The following AIMP1 variants were observed in gnomAD, a reference collection of about 807,000 sequenced individuals.
The protein encoded by AIMP1 is aminoacyl tRNA synthase complex-interacting multifunctional protein 1.
A neutral mutation model predicts 33.1 loss-of-function variants in AIMP1; 24 were observed. The observed-to-expected ratio is 0.73, with a 90% CI of 0.53 to 1.02. AIMP1 has a LOEUF of 1.02. AIMP1 is among the 50% of genes least tolerant of loss of function. The pLI is 0.00. For synonymous variants in AIMP1, 120 were observed against 121.5 expected (o/e 0.99, Z 0.08); for missense variants, 367 against 364.8 (o/e 1.01, Z -0.05).
intron 1 of AIMP1, among the ~76,000 whole-genome samples, chr4:106,320,999 C>T (rs942991641): frequency 3.3e-5 from 5 of 152,220 alleles, no homozygotes; most frequent in African/African-American, 9.6e-5. Context: ...CTGCCAGCCT[C>T]GGCGTCCTGA....
intron 2 of AIMP1, among the ~76,000 whole-genome samples, chr4:106,326,379 A>G (rs1037018468): frequency 3.9e-5 from 6 of 152,208 alleles, no homozygotes; most frequent in African/African-American, 1.4e-4. Flanking sequence ...AGCATACTGC[A>G]GGACATCTGA....
intron 2 of AIMP1, 46 bp from the exon 3 acceptor site, chr4:106,327,405 A>G (rs531600963): frequency 2.6e-5 from 36 of 1,408,616 alleles, no homozygotes; most frequent in Non-Finnish European, 3.6e-5. Flanking sequence ...TATTCATACA[A>G]AACCTCTTTT....
intron 6 of AIMP1, among the ~76,000 whole-genome samples, chr4:106,342,597 A>G (rs897336341): frequency 6.6e-6 from 1 of 152,168 alleles, no homozygotes; most frequent in East Asian, 1.9e-4. Flanking sequence ...ATTGATTTGC[A>G]TATGTTGAAC....
At chr4:106,331,640 C>T (rs1561027164) in intron 4 of AIMP1, 32 bp from the exon 5 acceptor site, 1 of 1,588,402 alleles carries the variant, frequency 6.3e-7, no homozygotes, top group East Asian at 2.2e-5. Context: ...GGTTTTATTT[C>T]TGATGTTTAC....
At chr4:106,316,635 G>T in intron 1 of AIMP1, 41 bp downstream of exon 1, 4 of 1,544,174 alleles carry the variant, frequency 2.6e-6, no homozygotes, top group Non-Finnish European at 3.5e-6. Context: ...GGGGATCGCC[G>T]ATTGCGATCG....
rs532617678 is a variant in AIMP1, at chr4:106,320,021, T to A, written c.-26+3427T>A. ...CTGTATAATGGAGATTATTACAGTATTCGAAATTGACTTGTGTAAAGCATT... is the reference window on the plus strand; with the variant it reads ...CTGTATAATGGAGATTATTACAGTAATCGAAATTGACTTGTGTAAAGCATT... On this transcript the variant is annotated intron_variant, in intron 1 of 6. Coordinates refer to ENST00000672341, the MANE Select transcript of AIMP1 (RefSeq NM_001142416.2). 2.0e-5 allele frequency among the ~76,000 whole-genome samples: 3 copies of A among 152,338 alleles called. No homozygotes were observed. The South Asian group carries it at 6.2e-4, about 32-fold the overall frequency.
At chr4:106,344,547 C>T (rs1186794597) in intron 6 of AIMP1, among the ~76,000 whole-genome samples, 1 of 152,178 alleles carries the variant, frequency 6.6e-6, no homozygotes, top group East Asian at 1.9e-4. Flanking sequence ...TGCATATTTA[C>T]AGAAGTCTTC....
At chr4:106,341,591 A>T (rs1014018471) in intron 6 of AIMP1, among the ~76,000 whole-genome samples, 2 of 152,014 alleles carry the variant, frequency 1.3e-5, no homozygotes, top group Admixed American at 1.3e-4. Flanking sequence ...TGAAAATCAG[A>T]TGGTTGTAGG....
At chr4:106,329,853 T>A (rs1727234761) in intron 4 of AIMP1, among the ~76,000 whole-genome samples, 1 of 138,528 alleles carries the variant, frequency 7.2e-6, no homozygotes, top group South Asian at 2.6e-4. Flanking sequence ...TGGCATAATC[T>A]CGGCTCACTG....
intron 1 of AIMP1, among the ~76,000 whole-genome samples, chr4:106,322,596 A>G (rs937730876): frequency 1.3e-5 from 2 of 152,234 alleles, no homozygotes; most frequent in African/African-American, 2.4e-5. Flanking sequence ...CGTAACTAGA[A>G]GTGAAATATT....
chr4:106,348,468 C>A lies in AIMP1; in HGVS notation c.*776C>A, dbSNP rs1271169969. ...TTCTTTTTAAAGATTATTTGGGTAC[C>A]TAATAAAGGATAATTTATATCTTAT... On this transcript the variant is annotated 3_prime_UTR_variant, in exon 7 of 7. Coordinates refer to ENST00000672341, the MANE Select transcript of AIMP1 (RefSeq NM_001142416.2). The A allele has an allele frequency of 6.7e-6, 1 of 150,154 alleles. No individual in the cohort carries two copies. Among genetic ancestry groups the A allele is most frequent in the Non-Finnish European group, 1.5e-5 (1 of 67,694 alleles). The allele number at this position is 150,154 out of a possible 1,614,324, so 9.3% of individuals were successfully genotyped here.
chr4:106,325,219 T>C, intron 2 of AIMP1, 101 bp downstream of exon 2: 1 of 1,153,248 alleles, frequency 8.7e-7, no homozygotes, highest in African/African-American at 1.6e-5. Flanking sequence ...AAGTTTTACT[T>C]AGAAGTTTCT....
intron 1 of AIMP1, chr4:106,321,552 C>G (rs1300046242): frequency 6.5e-6 from 1 of 153,688 alleles, no homozygotes; most frequent in African/African-American, 2.4e-5. Flanking sequence ...CCGCTTTCCG[C>G]CCGGCAGCGG....
At chr4:106,346,709 G>A (rs932292786) in intron 6 of AIMP1, among the ~76,000 whole-genome samples, 11 of 152,092 alleles carry the variant, frequency 7.2e-5, no homozygotes, top group African/African-American at 2.7e-4. Flanking sequence ...TGCTCATTTT[G>A]TATTTTGAAA....
At chr4:106,322,409 A>G (rs1305491872) in intron 1 of AIMP1, among the ~76,000 whole-genome samples, 2 of 152,198 alleles carry the variant, frequency 1.3e-5, no homozygotes, top group African/African-American at 4.8e-5. Context: ...AGTGCTAGTG[A>G]TCATTATCTG....
chr4:106,318,043 T>C (rs1250048199), intron 1 of AIMP1, among the ~76,000 whole-genome samples: 2 of 152,192 alleles, frequency 1.3e-5, no homozygotes, highest in Non-Finnish European at 2.9e-5. Context: ...CTCTCATAGC[T>C]GTCCACCCTA....
Position 106,337,041 on chromosome 4 carries a change from G to GCATCAAATAATTA in AIMP1, c.772+4_772+5insCATCAAATAATTA. ...ATTACTTTTGATGCTTTCCCAGGTAGGTATTTATTAGTAATTACTTAATAG... is the reference window on the plus strand; with the variant it reads ...ATTACTTTTGATGCTTTCCCAGGTAGCATCAAATAATTAGTATTTATTAGTAATTACTTAATAG... On this transcript the variant is annotated splice_donor_region_variant and intron_variant, in intron 6 of 6. Transcript: ENST00000672341. The GCATCAAATAATTA allele has an allele frequency of 6.2e-7, 1 of 1,612,574 alleles. No individual in the cohort carries two copies. The highest frequency in any genetic ancestry group is 1.3e-5 in the African/African-American group (1 of 74,990).
At chr4:106,317,297 A>T (rs1050760252) in intron 1 of AIMP1, among the ~76,000 whole-genome samples, 3 of 152,232 alleles carry the variant, frequency 2.0e-5, no homozygotes, top group African/African-American at 7.2e-5. Flanking sequence ...AATAGCAAGG[A>T]GGCCTGTAGG....
At chr4:106,331,957 T>C in intron 5 of AIMP1, 74 bp downstream of exon 5, 2 of 1,327,122 alleles carry the variant, frequency 1.5e-6, no homozygotes, top group Non-Finnish European at 2.2e-6. Flanking sequence ...ATCTTTCCAT[T>C]ATAATTTTGT....
Sources: gnomAD v4.1 joint callset for allele counts (sites outside exome capture counted in the v4.1 genomes callset) on GRCh38, gnomAD v4.1.1 for gene constraint, MANE v1.5 for transcripts, NCBI Gene and HGNC (gene_info 2026-07-23, HGNC 2026-07-21) for gene names.